NEURL3: variants seen among roughly 807,000 people sequenced by gnomAD.
The protein encoded by NEURL3 is neuralized E3 ubiquitin protein ligase 3.
Under a neutral mutation model 17.6 loss-of-function variants are expected in NEURL3, and 19 were observed. The observed-to-expected ratio is 1.08, with a 90% CI of 0.75 to 1.58. The LOEUF (loss-of-function observed/expected upper bound fraction) is 1.58, where lower values mean the gene tolerates loss of function less well. Ranked by LOEUF, NEURL3 falls within the 40% of genes most tolerant of loss-of-function variation. The probability of loss-of-function intolerance (pLI) is 0.00; values close to 1 mark genes in which losing one functional copy is unlikely to be tolerated. For synonymous variants in NEURL3, 180 were observed against 161.4 expected (o/e 1.11, Z -0.87); for missense variants, 342 against 379.6 (o/e 0.90, Z 0.82).
chr2:96,499,060 G>A, intron 3 of NEURL3: 1 of 735,112 alleles, frequency 1.4e-6, no homozygotes, highest in East Asian at 3.2e-5. Flanking sequence ...TTACAGGTGT[G>A]AGCCACTGCA....
chr2:96,502,768 G>A (rs1424274786), intron 1 of NEURL3, among the ~76,000 whole-genome samples: 1 of 152,206 alleles, frequency 6.6e-6, no homozygotes, highest in Non-Finnish European at 1.5e-5. Context: ...GATGGTGGCC[G>A]GCATCCGAGC....
chr2:96,505,916 C>T (rs1002804629), upstream of NEURL3, among the ~76,000 whole-genome samples: 11 of 152,248 alleles, frequency 7.2e-5, no homozygotes, highest in Admixed American at 3.3e-4. Context: ...GCCTTTCTCA[C>T]TGGAATTTCT....
At chr2:96,500,108 G>T (rs1573155483) in intron 2 of NEURL3, 1 of 341,370 alleles carries the variant, frequency 2.9e-6, no homozygotes, top group East Asian at 7.9e-5. Flanking sequence ...TGCCACCTTT[G>T]TATCTAGTGA....
rs914097509 is a variant in NEURL3 at position 96,500,659 on chromosome 2, G to T, written c.294C>A (p.Cys98Ter). The part of the protein sequence containing the change: ...VSVPSLPPFL[C>*]PDLEEQSPTW... ...TCGGGCTCTGCTCCTCCAGGTCGGGGCACAGGAAGGGCGGCAGGCTGGGCA... is the reference window on the plus strand; with the variant it reads ...TCGGGCTCTGCTCCTCCAGGTCGGGTCACAGGAAGGGCGGCAGGCTGGGCA... Residue 98 changes from cysteine (C) to a stop codon, truncating the protein, a stop_gained, in exon 2 of 4, where the codon TGC becomes TGA. Transcript: ENST00000451794. LOFTEE classifies it high-confidence loss of function. 6 of 1,519,252 alleles carry T rather than the reference G, an allele frequency of 3.9e-6. No individual in the cohort carries two copies. Among genetic ancestry groups the T allele is most frequent in the Non-Finnish European group, 5.3e-6 (6 of 1,140,592 alleles). 94.1% of individuals were successfully genotyped at this position (1,519,252 alleles called of 1,614,324 possible).
chr2:96,504,945 GAC>G (rs1400601374), intron 1 of NEURL3, among the ~76,000 whole-genome samples: 2 of 150,904 alleles, frequency 1.3e-5, no homozygotes, highest in Non-Finnish European at 2.9e-5. Context: ...TCCACTACGG[GAC>G]ACCTGTGGCC....
chr2:96,505,863 G>T (rs1269051956), upstream of NEURL3, among the ~76,000 whole-genome samples: 1 of 152,190 alleles, frequency 6.6e-6, no homozygotes, highest in Non-Finnish European at 1.5e-5. Context: ...CAGAAAGGAG[G>T]GGTAAAGCAG....
At chr2:96,500,357 C>A in intron 2 of NEURL3, 82 bp downstream of exon 2, 1 of 1,559,486 alleles carries the variant, frequency 6.4e-7, no homozygotes, top group Non-Finnish European at 8.6e-7. Context: ...GAACGTTCTT[C>A]CTGTGGCTCT....
upstream of NEURL3, among the ~76,000 whole-genome samples, chr2:96,507,283 C>T (rs555980188): frequency 1.3e-5 from 2 of 152,310 alleles, no homozygotes; most frequent in Non-Finnish European, 2.9e-5. Context: ...GTCCCCATTT[C>T]TTTGGGTCTT....
chr2:96,499,045 A>G, intron 3 of NEURL3: 2 of 595,708 alleles, frequency 3.4e-6, no homozygotes, highest in Non-Finnish European at 5.1e-6. Flanking sequence ...CCCAAAGTAT[A>G]GGGATTACAG....
intron 1 of NEURL3, among the ~76,000 whole-genome samples, chr2:96,501,496 T>G (rs2065507282): frequency 6.6e-6 from 1 of 152,048 alleles, no homozygotes; most frequent in Non-Finnish European, 1.5e-5. Flanking sequence ...GCATCACTTG[T>G]GAAGACCATG....
At position 96,498,200 on chromosome 2, in the gene NEURL3, T is replaced by G. The variant is rs1267263858; in HGVS notation, c.*44A>C. The G allele has an allele frequency of 6.7e-7, 1 of 1,491,676 alleles. No individual in the cohort carries two copies. Among genetic ancestry groups the G allele is most frequent in the Admixed American group, 2.1e-5 (1 of 47,670 alleles). The allele number at this position is 1,491,676 out of a possible 1,614,324, so 92.4% of individuals were successfully genotyped here. A position where few individuals can be genotyped will look rare whatever the true frequency, so the allele number is the denominator to read the frequency against. Reference sequence around the variant, plus strand: ...TCCTTCCTCTCTGCAGGGGCCAGACTCAGATCTAGGCCCGGGCTGCCACTC... The same window carrying G: ...TCCTTCCTCTCTGCAGGGGCCAGACGCAGATCTAGGCCCGGGCTGCCACTC... On this transcript the variant is annotated 3_prime_UTR_variant, in exon 4 of 4. Transcript: ENST00000451794. This position sits in a 1 kb window ranked among gnomAD's most constrained non-coding sequence, Gnocchi z 4.4.
chr2:96,504,945 G>A (rs2065548409), intron 1 of NEURL3, among the ~76,000 whole-genome samples: 1 of 150,904 alleles, frequency 6.6e-6, no homozygotes. Flanking sequence ...TCCACTACGG[G>A]ACACCTGTGG....
rs2065478568 is a variant in NEURL3 at position 96,499,517 on chromosome 2, C to G, written c.515-68G>C. ...GGTGCCCCCCCATCCCCGCCCCTGG[C>G]CCCGCAGCAAAGTGTCCGGTCTCCT... On this transcript the variant is annotated intron_variant, in intron 2 of 3. Coordinates refer to ENST00000451794, the MANE Select transcript of NEURL3 (RefSeq NM_001285485.2). 5.6e-6 allele frequency: 8 copies of G among 1,421,862 alleles called. No individual in the cohort carries two copies. The South Asian group carries it at 9.3e-5, about 16-fold the overall frequency. The allele number at this position is 1,421,862 out of a possible 1,614,324, so 88.1% of individuals were successfully genotyped here.
chr2:96,503,649 C>T (rs74856235), intron 1 of NEURL3, among the ~76,000 whole-genome samples: 11,988 of 152,216 alleles, frequency 0.079, 871 homozygotes, highest in East Asian at 0.23. Flanking sequence ...CCGTGTCCAC[C>T]GACTTCATAC....
At chr2:96,503,744 G>A (rs546150226) in intron 1 of NEURL3, among the ~76,000 whole-genome samples, 19 of 152,238 alleles carry the variant, frequency 1.2e-4, no homozygotes, top group South Asian at 6.2e-4. Flanking sequence ...CTCCTCCCAC[G>A]AGGCCTGCAG....
upstream of NEURL3, among the ~76,000 whole-genome samples, chr2:96,506,805 G>C (rs1363189303): frequency 6.6e-6 from 1 of 152,220 alleles, no homozygotes; most frequent in Non-Finnish European, 1.5e-5. Context: ...AAAATTACCT[G>C]GCAAGCTATG....
At chr2:96,501,934 T>A (rs1461745085) in intron 1 of NEURL3, among the ~76,000 whole-genome samples, 1 of 152,048 alleles carries the variant, frequency 6.6e-6, no homozygotes, top group East Asian at 1.9e-4. Flanking sequence ...CCAGATCAGG[T>A]CACACTCCCC....
At chr2:96,506,331 G>A (rs1022893922), upstream of NEURL3, among the ~76,000 whole-genome samples, 3 of 152,160 alleles carry the variant, frequency 2.0e-5, no homozygotes, top group African/African-American at 7.2e-5. Context: ...TCAGCCTCCT[G>A]AGTAGCTGGG....
intron 1 of NEURL3, among the ~76,000 whole-genome samples, chr2:96,502,672 T>A (rs1241183145): frequency 6.6e-6 from 1 of 152,240 alleles, no homozygotes; most frequent in East Asian, 1.9e-4. Context: ...TCACTGCCCA[T>A]CCCTGAGGTG....
Sources: gnomAD v4.1 joint callset for allele counts (sites outside exome capture counted in the v4.1 genomes callset) on GRCh38, gnomAD v4.1.1 for gene constraint, Gnocchi (gnomAD v3.1) non-coding constraint, MANE v1.5 for transcripts, NCBI Gene and HGNC (gene_info 2026-07-23, HGNC 2026-07-21) for gene names.